Variants in MIPOL1 observed in about 807,000 individuals in gnomAD.
MIPOL1 encodes the protein mirror-image polydactyly 1.
Under a neutral mutation model 60.9 loss-of-function variants are expected in MIPOL1, and 57 were observed. The ratio of observed to expected loss-of-function variants is 0.94; its 90% CI spans 0.76 to 1.17. The LOEUF is 1.17. MIPOL1 is among the 50% of genes most tolerant of loss of function. The probability of loss-of-function intolerance (pLI) is 0.00; values close to 1 mark genes in which losing one functional copy is unlikely to be tolerated. For synonymous variants in MIPOL1, 179 were observed against 168.8 expected (o/e 1.06, Z -0.47); for missense variants, 551 against 511.6 (o/e 1.08, Z -0.74).
intron 1 of MIPOL1, among the ~76,000 whole-genome samples, chr14:37,202,126 C>T (rs1041770841): frequency 2.6e-5 from 4 of 152,128 alleles, no homozygotes; most frequent in African/African-American, 4.8e-5. Context: ...GCCACTGCAC[C>T]AGCCCATTTC....
Position 37,432,190 on chromosome 14 carries a change from T to A in MIPOL1, c.1031+9241T>A, listed in dbSNP as rs1595748620. Among the ~76,000 whole-genome samples the A allele has an allele frequency of 2.0e-5, 3 of 152,206 alleles. No homozygotes were observed. In the South Asian group the frequency reaches 6.2e-4, roughly 31 times the overall value. ...AGCTATTCTATTAATCCTTTTCTAA[T>A]CTTGTCCGTTAGAAGTGATCTCACT... On this transcript the variant is annotated intron_variant, in intron 11 of 12. Coordinates refer to ENST00000684589, the MANE Select transcript of MIPOL1 (RefSeq NM_001388067.1).
chr14:37,354,333 G>T (rs934362942), intron 9 of MIPOL1, among the ~76,000 whole-genome samples: 1 of 112,050 alleles, frequency 8.9e-6, no homozygotes, highest in African/African-American at 3.5e-5. Context: ...CCAAGTATGC[G>T]GTCAATTTTG....
At chr14:37,212,564 G>A (rs1444636409) in intron 1 of MIPOL1, among the ~76,000 whole-genome samples, 1 of 152,094 alleles carries the variant, frequency 6.6e-6, no homozygotes, top group East Asian at 1.9e-4. Flanking sequence ...TAGAACACCT[G>A]GTAGACTTGC....
intron 12 of MIPOL1, among the ~76,000 whole-genome samples, chr14:37,520,832 T>C (rs1368798222): frequency 2.0e-5 from 3 of 151,400 alleles, no homozygotes; most frequent in Non-Finnish European, 4.4e-5. Flanking sequence ...GTTTAGGGAC[T>C]GAATATAAAA....
At chr14:37,528,872 GAGA>G (rs1293266514) in intron 12 of MIPOL1, among the ~76,000 whole-genome samples, 1 of 152,196 alleles carries the variant, frequency 6.6e-6, no homozygotes, top group East Asian at 1.9e-4. Context: ...CAGACTGAGA[GAGA>G]AGGTTTGGAC....
Position 37,534,078 on chromosome 14 carries a change from C to CAAA in MIPOL1, c.1263-12812_1263-12810dup, listed in dbSNP as rs564604002. On this transcript the variant is annotated intron_variant, in intron 12 of 12. Transcript: ENST00000684589. ...ACTCCATCCTGGCGAGACTCCATCT[C>CAAA]AAAAAAAAAAAAAAAAAGGAAGAAA... Among the ~76,000 whole-genome samples the CAAA allele has an allele frequency of 8.4e-4, 58 of 69,436 alleles. 1 individual carries two copies. Among genetic ancestry groups the CAAA allele is most frequent in the African/African-American group, 2.0e-3 (52 of 26,132 alleles). 45.6% of individuals were successfully genotyped at this position (69,436 alleles called of 152,430 possible). A position where few individuals can be genotyped will look rare whatever the true frequency, so the allele number is the denominator to read the frequency against.
intron 1 of MIPOL1, among the ~76,000 whole-genome samples, chr14:37,224,926 T>C (rs185177263): frequency 3.9e-5 from 6 of 152,244 alleles, no homozygotes; most frequent in African/African-American, 1.4e-4. Flanking sequence ...ATTGGGCAAA[T>C]ACAGCTATTC....
intron 12 of MIPOL1, chr14:37,504,804 A>G (rs957150646): frequency 2.6e-5 from 4 of 152,228 alleles, no homozygotes; most frequent in Admixed American, 6.5e-5. Context: ...TCAAAAAATC[A>G]ATGAATCCAG....
intron 11 of MIPOL1, among the ~76,000 whole-genome samples, chr14:37,467,550 G>A (rs1295129661): frequency 2.6e-5 from 4 of 152,122 alleles, no homozygotes; most frequent in East Asian, 1.9e-4. Flanking sequence ...AAATGTAAAC[G>A]GAAGTAGAAG....
chr14:37,323,714 TATACACATTTCCATAGC>T (rs1211762923), intron 9 of MIPOL1, among the ~76,000 whole-genome samples: 2 of 152,066 alleles, frequency 1.3e-5, no homozygotes, highest in African/African-American at 4.8e-5. Flanking sequence ...CTTTTAAAGG[TATACACATTTCCATAGC>T]CTTAGAAAGT....
intron 9 of MIPOL1, among the ~76,000 whole-genome samples, chr14:37,315,141 G>A (rs1211403985): frequency 6.6e-6 from 1 of 152,140 alleles, no homozygotes; most frequent in Non-Finnish European, 1.5e-5. Context: ...TATTTTTCAA[G>A]ATGAATTGTT....
At chr14:37,356,880 G>A (rs962789462) in intron 9 of MIPOL1, among the ~76,000 whole-genome samples, 1 of 152,148 alleles carries the variant, frequency 6.6e-6, no homozygotes, top group African/African-American at 2.4e-5. Context: ...CGTCGGCCAC[G>A]CTGGGAGCTG....
intron 12 of MIPOL1, among the ~76,000 whole-genome samples, chr14:37,522,893 T>G (rs906325388): frequency 6.6e-5 from 10 of 152,158 alleles, no homozygotes; most frequent in Admixed American, 2.6e-4. Context: ...TTAATAGATA[T>G]GAATCCTATT....
intron 10 of MIPOL1, among the ~76,000 whole-genome samples, chr14:37,417,210 C>G (rs1245541593): frequency 6.6e-6 from 1 of 152,188 alleles, no homozygotes; most frequent in African/African-American, 2.4e-5. Flanking sequence ...TCTCTCTCCC[C>G]TGCCTTTCTC....
intron 1 of MIPOL1, among the ~76,000 whole-genome samples, chr14:37,207,274 T>G (rs1966239496): frequency 6.6e-6 from 1 of 152,166 alleles, no homozygotes; most frequent in Admixed American, 6.6e-5. Flanking sequence ...TAGAACCCTT[T>G]CGCTTGGCTT....
chr14:37,472,978 C>T (rs1467385597), intron 11 of MIPOL1, among the ~76,000 whole-genome samples: 1 of 152,094 alleles, frequency 6.6e-6, no homozygotes, highest in Non-Finnish European at 1.5e-5. Flanking sequence ...CTGATTAGGT[C>T]CAATTTAGAC....
At chr14:37,434,988 A>G (rs1209630315) in intron 11 of MIPOL1, among the ~76,000 whole-genome samples, 1 of 152,152 alleles carries the variant, frequency 6.6e-6, no homozygotes, top group Non-Finnish European at 1.5e-5. Context: ...GACTAGGGCC[A>G]GGTAAAAATT....
At chr14:37,535,205 C>G (rs1243951004) in intron 12 of MIPOL1, among the ~76,000 whole-genome samples, 1 of 151,918 alleles carries the variant, frequency 6.6e-6, no homozygotes, top group East Asian at 1.9e-4. Context: ...TCAAGGTTAC[C>G]TAAAAGATAG....
At chr14:37,217,708 C>T (rs1036247069) in intron 1 of MIPOL1, among the ~76,000 whole-genome samples, 1 of 152,168 alleles carries the variant, frequency 6.6e-6, no homozygotes, top group African/African-American at 2.4e-5. Flanking sequence ...GGTAAAAACC[C>T]TCACAAAGCT....
Sources: gnomAD v4.1 joint callset for allele counts (sites outside exome capture counted in the v4.1 genomes callset) on GRCh38, gnomAD v4.1.1 for gene constraint, MANE v1.5 for transcripts, NCBI Gene and HGNC (gene_info 2026-07-23, HGNC 2026-07-21) for gene names.